Variants in OTOF observed in about 807,000 individuals in gnomAD.
The protein encoded by OTOF is fer-1-like family member 2.
In OTOF, 218 loss-of-function variants were observed where a neutral mutation model predicts 236.8. The ratio of observed to expected loss-of-function variants is 0.92; its 90% CI spans 0.82 to 1.03. The LOEUF (loss-of-function observed/expected upper bound fraction) is 1.03, where lower values mean the gene tolerates loss of function less well. Ranked by LOEUF, OTOF falls within the 50% of genes least tolerant of loss-of-function variation. The pLI is 0.00. For synonymous variants in OTOF, 1,041 were observed against 1,072.5 expected (o/e 0.97, Z 0.57); for missense variants, 2,590 against 2,694.4 (o/e 0.96, Z 0.86).
rs1664501814 is a variant in OTOF, at chr2:26,462,222, G to A, written c.5193-41C>T. The A allele has an allele frequency of 6.4e-7, 1 of 1,566,538 alleles. No homozygotes were observed. The highest frequency in any genetic ancestry group is 1.1e-5 in the South Asian group (1 of 90,090). ...GAAGGCTGGTTAGCAGCCCCAGGTGGGGGTTATGCCAGGGTGCCAGGGCTG... is the reference window on the plus strand; with the variant it reads ...GAAGGCTGGTTAGCAGCCCCAGGTGAGGGTTATGCCAGGGTGCCAGGGCTG... On this transcript the variant is annotated intron_variant, in intron 41 of 46. Coordinates refer to ENST00000272371, the MANE Select transcript of OTOF (RefSeq NM_194248.3). This position sits in a 1 kb window ranked among gnomAD's most constrained non-coding sequence, Gnocchi z 4.7.
At chr2:26,459,084 G>A (rs536341576) in intron 46 of OTOF, among the ~76,000 whole-genome samples, 3 of 152,378 alleles carry the variant, frequency 2.0e-5, no homozygotes, top group Non-Finnish European at 4.4e-5. Flanking sequence ...TTCAGGCCAT[G>A]GTGGCTATGA....
chr2:26,494,664 G>A (rs1665933568), intron 9 of OTOF, among the ~76,000 whole-genome samples: 2 of 115,652 alleles, frequency 1.7e-5, no homozygotes, highest in Admixed American at 1.6e-4. Context: ...GGTGGGGGGG[G>A]GTTCTTTCAC....
intron 1 of OTOF, among the ~76,000 whole-genome samples, chr2:26,552,076 T>TA (rs1667474467): frequency 8.6e-6 from 1 of 116,442 alleles, no homozygotes; most frequent in South Asian, 3.2e-4. Context: ...GAGAGTTTTT[T>TA]TATATATAAA....
At position 26,466,846 on chromosome 2, in the gene OTOF, G is replaced by A; in HGVS notation, c.4368C>T (p.Ser1456=). 1 of 1,614,214 alleles carries A rather than the reference G, an allele frequency of 6.2e-7. No homozygotes were observed. The highest frequency in any genetic ancestry group is 8.5e-7 in the Non-Finnish European group (1 of 1,180,034). ...EERIVGRFKG[S]LCVYKVPLPE... is the part of the protein sequence containing the mutation. ...GGAGTGGCACTTTGTACACGCAGAG[G>A]GAGCCCTGGGCAAGACAAATGTGGG... The change falls in exon 36 of 47, where the codon TCC becomes TCT. Residue 1456 remains serine (S), a synonymous_variant. Coordinates refer to ENST00000272371, the MANE Select transcript of OTOF (RefSeq NM_194248.3).
At chr2:26,507,446 A>T (rs1386110751) in intron 5 of OTOF, among the ~76,000 whole-genome samples, 1 of 152,250 alleles carries the variant, frequency 6.6e-6, no homozygotes. Flanking sequence ...TTTGAAATAA[A>T]TGTCAACTTA....
At chr2:26,463,406 G>T (rs757581411) in intron 41 of OTOF, 77 bp downstream of exon 41, 8 of 1,238,866 alleles carry the variant, frequency 6.5e-6, no homozygotes, top group South Asian at 5.1e-5. Context: ...TGAGCCCCCC[G>T]CAGGAAGGGT....
intron 8 of OTOF, among the ~76,000 whole-genome samples, chr2:26,495,487 T>C (rs1157843135): frequency 6.6e-6 from 1 of 152,148 alleles, no homozygotes; most frequent in Non-Finnish European, 1.5e-5. Flanking sequence ...TGCAGTGGCA[T>C]GATCTCGGCT....
At chr2:26,463,907 TG>T in intron 40 of OTOF, 56 bp downstream of exon 40, 1 of 1,609,786 alleles carries the variant, frequency 6.2e-7, no homozygotes, top group East Asian at 2.2e-5. Flanking sequence ...TGACTCAGGT[TG>T]GGGATCCCTG....
chr2:26,463,769 C>T lies in OTOF; in HGVS notation c.5103+195G>A, dbSNP rs10185696. 0.018 allele frequency among the ~76,000 whole-genome samples: 2,713 copies of T among 152,324 alleles called. 77 individuals are homozygous for T. The highest frequency in any genetic ancestry group is 0.061 in the African/African-American group (2,520 of 41,562). ...GAGACAACCCAGGTCTCTGCCTGAGCTGATGTAATTCTCACTCAAAGCAAA... is the reference window on the plus strand; with the variant it reads ...GAGACAACCCAGGTCTCTGCCTGAGTTGATGTAATTCTCACTCAAAGCAAA... On this transcript the variant is annotated intron_variant, in intron 40 of 46. Coordinates refer to ENST00000272371, the MANE Select transcript of OTOF (RefSeq NM_194248.3).
At chr2:26,489,415 C>T (rs1452016081) in intron 10 of OTOF, 120 bp from the exon 11 acceptor site, 3 of 791,442 alleles carry the variant, frequency 3.8e-6, no homozygotes, top group Admixed American at 2.0e-5. Flanking sequence ...TGGGGTGGCT[C>T]ACTGAGGCTC....
intron 16 of OTOF, 115 bp downstream of exon 16, chr2:26,480,088 G>A: frequency 1.3e-6 from 1 of 749,312 alleles, no homozygotes; most frequent in Non-Finnish European, 2.4e-6. Flanking sequence ...CCCTACAAGA[G>A]TGAGGACAGG....
At chr2:26,458,344 T>A (rs1164997709) in intron 46 of OTOF, 124 bp from the exon 47 acceptor site, 3 of 999,654 alleles carry the variant, frequency 3.0e-6, no homozygotes, top group Non-Finnish European at 3.1e-6. Flanking sequence ...AAGCAGTGAA[T>A]GCTGGAGCCA....
intron 13 of OTOF, among the ~76,000 whole-genome samples, chr2:26,482,837 G>C (rs1182271541): frequency 6.7e-6 from 1 of 149,680 alleles, no homozygotes; most frequent in East Asian, 2.0e-4. Context: ...GCGTGAGTGG[G>C]TGCATGTGTG....
At chr2:26,474,395 GCCCCACCCCCAGGCCCCAGA>G in intron 26 of OTOF, 98 bp downstream of exon 26, 1 of 454,788 alleles carries the variant, frequency 2.2e-6, no homozygotes, top group Middle Eastern at 7.1e-4. Context: ...CAGCCCCCAG[GCCCCACCCCCAGGCCCCAGA>G]CCCCAGGCCC....
In OTOF at chr2:26,483,921, T is replaced by C. The variant is rs80027212; in HGVS notation, c.1206-273A>G. Among the ~76,000 whole-genome samples, 23 of 152,342 alleles carry C rather than the reference T, an allele frequency of 1.5e-4. No homozygotes were observed. The East Asian group carries it at 3.9e-3, about 26-fold the overall frequency. On this transcript the variant is annotated intron_variant, in intron 12 of 46. Coordinates refer to ENST00000272371, the MANE Select transcript of OTOF (RefSeq NM_194248.3). ...ATCGGCTCAAGCACGCTAAAACATA[T>C]GAGTGCTTTGTAGATTGTACATTGG...
chr2:26,502,402 TC>T lies in OTOF; in HGVS notation c.607del (p.Glu203LysfsTer10), dbSNP rs1666139016. 2.5e-6 allele frequency: 4 copies of T among 1,613,568 alleles called. No individual in the cohort carries two copies. The highest frequency in any genetic ancestry group is 3.4e-6 in the Non-Finnish European group (4 of 1,179,838). ...CCGAATGGCCAGATGGTCAAGGTCT[TC>T]CATCTCCAGCACCGCCGGTTCATCT... ...RPDEPAVLEM[E>X]DLDHLAIRLG... On this transcript the variant is annotated frameshift_variant, in exon 7 of 47. Transcript: ENST00000272371. LOFTEE classifies it high-confidence loss of function.
rs780903417 is a variant in OTOF, at chr2:26,464,048, G to A, written c.5019C>T (p.Asp1673=). 6.2e-7 allele frequency: 1 copy of A among 1,613,728 alleles called. No homozygotes were observed. Among genetic ancestry groups the A allele is most frequent in the Non-Finnish European group, 8.5e-7 (1 of 1,180,032 alleles). The change falls in exon 40 of 47, where the codon GAC becomes GAT. Residue 1673 remains aspartate, a synonymous_variant. Coordinates refer to ENST00000272371, the MANE Select transcript of OTOF (RefSeq NM_194248.3). ...CCAGGCGGCAGCCTGCGCGGGGGAT[G>A]TCCTCCCAGTGCCTCAGGGCCAACA... ...VALLALRHWE[D]IPRAGCRLVP...
chr2:26,500,373 ACT>A (rs1344101432), intron 8 of OTOF, among the ~76,000 whole-genome samples: 3 of 151,970 alleles, frequency 2.0e-5, no homozygotes, highest in East Asian at 1.9e-4. Flanking sequence ...AACAATAATG[ACT>A]CTATTTTTGA....
chr2:26,525,230 T>C lies in OTOF; in HGVS notation c.227+2602A>G, dbSNP rs190638308. 5.4e-4 allele frequency among the ~76,000 whole-genome samples: 82 copies of C among 152,330 alleles called. 1 individual carries two copies. Among genetic ancestry groups the C allele is most frequent in the African/African-American group, 1.9e-3 (78 of 41,576 alleles). On this transcript the variant is annotated intron_variant, in intron 3 of 46. Transcript: ENST00000272371. ...CTCCCTGTGGCCCTGACAGCATTTC[T>C]GAAATGCCCTTGCCCCATACTCAGC...
Sources: gnomAD v4.1 joint callset for allele counts (sites outside exome capture counted in the v4.1 genomes callset) on GRCh38, gnomAD v4.1.1 for gene constraint, Gnocchi (gnomAD v3.1) non-coding constraint, MANE v1.5 for transcripts, NCBI Gene and HGNC (gene_info 2026-07-23, HGNC 2026-07-21) for gene names.